The following NLRP7 variants were observed in gnomAD, a reference collection of about 807,000 sequenced individuals.
The protein encoded by NLRP7 is NACHT, LRR and PYD domains-containing protein 7.
A neutral mutation model predicts 85.5 loss-of-function variants in NLRP7; 72 were observed. The observed-to-expected ratio is 0.84, with a 90% CI of 0.70 to 1.02. The LOEUF is 1.02. NLRP7 is among the 50% of genes least tolerant of loss of function. NLRP7 has a pLI of 0.00. For missense variants in NLRP7, 1,243 were observed against 1,219.5 expected (o/e 1.02, Z -0.29); for synonymous variants, 550 against 505.2 (o/e 1.09, Z -1.19).
exon 4 of NLRP7, chr19:54,939,558 G>C (rs1396310952): frequency 1.9e-6 from 3 of 1,612,640 alleles, no homozygotes; most frequent in Non-Finnish European, 2.5e-6. Flanking sequence ...CACAGGCCCT[G>C]CGCGGCCAGG....
At chr19:54,948,147 G>A (rs1200705374), upstream of NLRP7, among the ~76,000 whole-genome samples, 3 of 152,344 alleles carry the variant, frequency 2.0e-5, no homozygotes, top group East Asian at 5.8e-4. Context: ...AATTTGGGAA[G>A]CCGAGGCGGG....
chr19:54,964,373 C>T (rs941256238), intron 1 of NLRP7, among the ~76,000 whole-genome samples: 8 of 150,536 alleles, frequency 5.3e-5, no homozygotes, highest in Admixed American at 6.6e-5. Flanking sequence ...CCCGCCACCA[C>T]GCCCGGCTAA....
At chr19:54,954,203 T>C (rs2069772000) in intron 1 of NLRP7, among the ~76,000 whole-genome samples, 1 of 148,284 alleles carries the variant, frequency 6.7e-6, no homozygotes, top group Admixed American at 6.7e-5. Flanking sequence ...AATCCACCCC[T>C]TGTTTAGCAT....
At chr19:54,948,220 C>T (rs774460391), upstream of NLRP7, among the ~76,000 whole-genome samples, 1 of 152,094 alleles carries the variant, frequency 6.6e-6, no homozygotes, top group Non-Finnish European at 1.5e-5. Context: ...TCTGTCTCTA[C>T]TAAACATACA....
chr19:54,950,686 C>A (rs1415673243), upstream of NLRP7, among the ~76,000 whole-genome samples: 2 of 150,906 alleles, frequency 1.3e-5, no homozygotes, highest in South Asian at 4.2e-4. Context: ...TTTCCCCTAT[C>A]TCAGTATATG....
At chr19:54,958,644 C>G (rs1416499343) in intron 1 of NLRP7, among the ~76,000 whole-genome samples, 1 of 144,284 alleles carries the variant, frequency 6.9e-6, no homozygotes, top group East Asian at 2.0e-4. Flanking sequence ...GACTCTGTCT[C>G]AAATAATAAT....
chr19:54,936,496 TA>T, intron 5 of NLRP7, 65 bp from the exon 6 acceptor site: 5 of 1,364,166 alleles, frequency 3.7e-6, no homozygotes, highest in Non-Finnish European at 5.2e-6. Flanking sequence ...GAGGCATGTA[TA>T]AACAAAAAGC....
At chr19:54,944,248 G>A (rs188592541) in intron 1 of NLRP7, among the ~76,000 whole-genome samples, 2 of 151,942 alleles carry the variant, frequency 1.3e-5, no homozygotes, top group Non-Finnish European at 2.9e-5. Context: ...GGAATGTCTC[G>A]GTGTAAAACC....
chr19:54,950,930 C>T (rs1453079888), upstream of NLRP7, among the ~76,000 whole-genome samples: 1 of 152,152 alleles, frequency 6.6e-6, no homozygotes, highest in East Asian at 1.9e-4. Context: ...CCTGGCTTTC[C>T]TAGGCAGAGG....
At chr19:54,959,135 C>CTTCTTCTTT (rs1568437225) in intron 1 of NLRP7, among the ~76,000 whole-genome samples, 3 of 143,816 alleles carry the variant, frequency 2.1e-5, no homozygotes, top group African/African-American at 7.7e-5. Flanking sequence ...TTGTTTTTTT[C>CTTCTTCTTT]TTTTTCTTTT....
chr19:54,949,814 G>C (rs1267815918), upstream of NLRP7, among the ~76,000 whole-genome samples: 1 of 152,116 alleles, frequency 6.6e-6, no homozygotes, highest in East Asian at 1.9e-4. Context: ...AAAGAAAAGG[G>C]TTTGGGCCGG....
At chr19:54,953,738 C>G (rs970511261) in intron 1 of NLRP7, among the ~76,000 whole-genome samples, 12 of 151,860 alleles carry the variant, frequency 7.9e-5, no homozygotes, top group African/African-American at 2.9e-4. Flanking sequence ...CGCGGTGGCT[C>G]ACACCTGTAA....
chr19:54,923,573 T>C (rs982825363), exon 10 of NLRP7: 5 of 756,698 alleles, frequency 6.6e-6, no homozygotes, highest in Non-Finnish European at 1.2e-5. Flanking sequence ...GTGAAGGGGG[T>C]GCGTGACTCG....
intron 1 of NLRP7, among the ~76,000 whole-genome samples, chr19:54,944,392 C>G (rs1218937489): frequency 6.6e-6 from 1 of 152,076 alleles, no homozygotes; most frequent in East Asian, 1.9e-4. Context: ...AGCACATTTC[C>G]TAACCTTGTT....
chr19:54,932,015 T>C (rs2068700937), intron 8 of NLRP7, among the ~76,000 whole-genome samples: 1 of 152,178 alleles, frequency 6.6e-6, no homozygotes, highest in Non-Finnish European at 1.5e-5. Flanking sequence ...CCTGTCATTT[T>C]ATTTCATGTT....
At chr19:54,947,543 C>G, upstream of NLRP7, 1 of 1,289,698 alleles carries the variant, frequency 7.8e-7, no homozygotes, top group South Asian at 1.2e-5. Flanking sequence ...GGTCTCTGGC[C>G]CTTGGTACGC....
chr19:54,936,713 G>A (rs866862030), intron 5 of NLRP7, among the ~76,000 whole-genome samples: 9 of 152,000 alleles, frequency 5.9e-5, no homozygotes, highest in Non-Finnish European at 1.0e-4. Flanking sequence ...TCAGGAGTTC[G>A]AGACCAGCCT....
intron 8 of NLRP7, among the ~76,000 whole-genome samples, chr19:54,931,860 A>T (rs7251474): frequency 0.083 from 12,404 of 150,026 alleles, 559 homozygotes; most frequent in East Asian, 0.15. Context: ...AAAAAAAAAA[A>T]CATCCAAATG....
At chr19:54,939,785 C>T (rs748418867) in exon 4 of NLRP7, 3 of 1,613,988 alleles carry the variant, frequency 1.9e-6, no homozygotes, top group East Asian at 2.2e-5. Context: ...CTCAAAGGCA[C>T]GCATGGCTTG....
Sources: allele counts gnomAD v4.1 joint callset (sites outside exome capture counted in the v4.1 genomes callset), GRCh38; gene constraint gnomAD v4.1.1; transcripts MANE v1.5; gene names NCBI Gene and HGNC (gene_info 2026-07-23, HGNC 2026-07-21).